The following LILRB1 variants were observed in gnomAD, a reference collection of about 807,000 sequenced individuals.
LILRB1 encodes the protein leukocyte immunoglobulin-like receptor subfamily B member 1.
In LILRB1, 59 loss-of-function variants were observed where a neutral mutation model predicts 74.6. The ratio of observed to expected loss-of-function variants is 0.79; its 90% CI spans 0.64 to 0.98. The LOEUF is 0.98. Ranked by LOEUF, LILRB1 falls within the 50% of genes least tolerant of loss-of-function variation. The pLI, the probability that LILRB1 is intolerant of heterozygous loss-of-function variation, is 0.00. For synonymous variants in LILRB1, 328 were observed against 333.9 expected (o/e 0.98, Z 0.19); for missense variants, 804 against 822.6 (o/e 0.98, Z 0.28).
Position 54,636,977 on chromosome 19 carries a change from C to T in LILRB1, c.*99C>T. ...TTGGACCCCACCCAGCCTGGATCTA[C>T]CCCAGGAGACTCTGGGAACTTTTAG... On this transcript the variant is annotated 3_prime_UTR_variant, in exon 15 of 15. Transcript: ENST00000324602. The T allele has an allele frequency of 1.4e-6, 2 of 1,479,612 alleles. No individual in the cohort carries two copies. The highest frequency in any genetic ancestry group is 1.3e-5 in the South Asian group (1 of 79,774). 91.7% of individuals were successfully genotyped at this position (1,479,612 alleles called of 1,614,324 possible). A position where few individuals can be genotyped will look rare whatever the true frequency, so the allele number is the denominator to read the frequency against.
intron 12 of LILRB1, 22 bp downstream of exon 12, chr19:54,635,318 C>G (rs774938785): frequency 6.2e-7 from 1 of 1,612,744 alleles, no homozygotes; most frequent in South Asian, 1.1e-5. Flanking sequence ...GAAGAGGTGA[C>G]CAGCCAGGAG....
rs780318750 is a variant in LILRB1 at position 54,632,502 on chromosome 19, C to T, written c.700C>T (p.Pro234Ser). 8 of 1,613,660 alleles carry T rather than the reference C, an allele frequency of 5.0e-6. No individual in the cohort carries two copies. The South Asian group carries it at 8.8e-5, about 18-fold the overall frequency. Reference sequence around the variant, plus strand: ...GCCATCACTCTCAGTGCAGCCAGGTCCTATCGTGGCCCCTGAGGAGACCCT... The same window carrying T: ...GCCATCACTCTCAGTGCAGCCAGGTTCTATCGTGGCCCCTGAGGAGACCCT... ...KKPSLSVQPG[P>S]IVAPEETLTL... The change falls in exon 6 of 15, where the codon CCT becomes TCT. Residue 234 changes from proline (P) to serine (S), a missense_variant. Coordinates refer to ENST00000324602, the MANE Select transcript of LILRB1 (RefSeq NM_001081637.3).
intron 12 of LILRB1, 63 bp from the exon 13 acceptor site, chr19:54,635,493 TG>T (rs1159733460): frequency 1.3e-6 from 2 of 1,571,986 alleles, no homozygotes; most frequent in African/African-American, 2.7e-5. Flanking sequence ...GAGCAGGGGC[TG>T]GCAGGACTCA....
upstream of LILRB1, among the ~76,000 whole-genome samples, chr19:54,628,655 T>A (rs2063663663): frequency 6.6e-6 from 1 of 152,102 alleles, no homozygotes; most frequent in African/African-American, 2.4e-5. Flanking sequence ...ATACCCTCCC[T>A]GGGCATCACC....
Position 54,631,578 on chromosome 19 carries a change from A to G in LILRB1, c.149A>G (p.Gln50Arg), listed in dbSNP as rs2063849780. 1.2e-6 allele frequency: 2 copies of G among 1,614,118 alleles called. No homozygotes were observed. Among genetic ancestry groups the G allele is most frequent in the Non-Finnish European group, 1.7e-6 (2 of 1,180,026 alleles). Reference protein sequence around the residue: ...TQGSPVTLRCQGGQETQEYRL... With the variant: ...TQGSPVTLRCRGGQETQEYRL... ...GGGAGTCCTGTGACCCTCAGGTGTC[A>G]GGGGGGCCAGGAGACCCAGGAGTAC... Residue 50 changes from glutamine (Q) to arginine (R), a missense_variant, in exon 4 of 15, where the codon CAG becomes CGG. Physicochemically the swap from Gln to Arg is conservative, Grantham distance 43. Transcript: ENST00000324602.
At position 54,634,739 on chromosome 19, in the gene LILRB1, C is replaced by T. The variant is rs367994550; in HGVS notation, c.1462C>T (p.Arg488Cys). Reference sequence around the variant, plus strand: ...CCTCTTCCTCATCCTCCGACATCGACGTCAGGGCAAACACTGGACATCGAG... The same window carrying T: ...CCTCTTCCTCATCCTCCGACATCGATGTCAGGGCAAACACTGGACATCGAG... ...LLLFLILRHR[R>C]QGKHWTSTQR... Residue 488 changes from arginine (R) to cysteine (C), a missense_variant, in exon 10 of 15, where the codon CGT becomes TGT. Arg to Cys is a radical substitution (Grantham distance 180, BLOSUM62 -3). Coordinates refer to ENST00000324602, the MANE Select transcript of LILRB1 (RefSeq NM_001081637.3). 125 of 1,613,874 alleles carry T rather than the reference C, an allele frequency of 7.7e-5. No homozygotes were observed. The highest frequency in any genetic ancestry group is 1.6e-4 in the Middle Eastern group (1 of 6,082).
At position 54,632,224 on chromosome 19, in the gene LILRB1, G is replaced by A. The variant is rs1236486035; in HGVS notation, c.648G>A (p.Glu216=). 1 of 1,612,994 alleles carries A rather than the reference G, an allele frequency of 6.2e-7. No homozygotes were observed. The highest frequency in any genetic ancestry group is 1.7e-5 in the Admixed American group (1 of 59,998). The change falls in exon 5 of 15, where the codon GAG becomes GAA. Residue 216 remains glutamate, a synonymous_variant. Coordinates refer to ENST00000324602, the MANE Select transcript of LILRB1 (RefSeq NM_001081637.3). ...YEWSLPSDLL[E]LLVLGVSKKP... is the part of the protein sequence containing the mutation. Reference sequence around the variant, plus strand: ...GGTCTCTACCCAGTGATCTCCTGGAGCTCCTGGTCCTAGGTGAGAAATTCA... The same window carrying A: ...GGTCTCTACCCAGTGATCTCCTGGAACTCCTGGTCCTAGGTGAGAAATTCA...
In LILRB1 at chr19:54,632,450, C is replaced by A. The variant is rs545659282; in HGVS notation, c.662-14C>A. ...GAGGGTCGGCTCCTGGAAACCATGA[C>A]CACCTTTTCCCAGGTGTTTCTAAGA... is the stretch of plus-strand genomic sequence containing the variant. On this transcript the variant is annotated splice_polypyrimidine_tract_variant and intron_variant, in intron 5 of 14. Transcript: ENST00000324602. 24 of 1,578,316 alleles carry A rather than the reference C, an allele frequency of 1.5e-5. No homozygotes were observed. In the East Asian group the frequency reaches 2.5e-4, roughly 16 times the overall value.
intron 9 of LILRB1, 103 bp from the exon 10 acceptor site, chr19:54,634,538 G>C (rs1236292098): frequency 2.1e-5 from 32 of 1,520,526 alleles, no homozygotes; most frequent in Non-Finnish European, 2.8e-5. Context: ...CACGACTGTT[G>C]TGGGGGTTGG....
intron 1 of LILRB1, among the ~76,000 whole-genome samples, chr19:54,622,760 G>T (rs77465355): frequency 6.6e-6 from 1 of 152,134 alleles, no homozygotes; most frequent in Non-Finnish European, 1.5e-5. Context: ...ATTTCTTGGG[G>T]AAATGCTTTC....
chr19:54,624,309 C>T lies in LILRB1; in HGVS notation c.-165-6208C>T, dbSNP rs1011659966. Among the ~76,000 whole-genome samples the T allele has an allele frequency of 2.1e-4, 32 of 152,216 alleles. 1 individual carries two copies. The South Asian group carries it at 2.3e-3, about 11-fold the overall frequency. ...CATAGGGAGGAACGTTGTCTGTCTC[C>T]CTATCACACCCGTGCTCCAGGGCTC... is the stretch of plus-strand genomic sequence containing the variant. On this transcript the variant is annotated intron_variant, in intron 1 of 15. Coordinates refer to the LILRB1 transcript ENST00000396331.
At chr19:54,619,529 T>A (rs1182414462) in intron 1 of LILRB1, among the ~76,000 whole-genome samples, 1 of 152,294 alleles carries the variant, frequency 6.6e-6, no homozygotes, top group African/African-American at 2.4e-5. Context: ...ATAATCTGTC[T>A]TTTTGAAATT....
chr19:54,625,334 C>T (rs1327739973), intron 1 of LILRB1, among the ~76,000 whole-genome samples: 2 of 151,122 alleles, frequency 1.3e-5, no homozygotes, highest in African/African-American at 2.4e-5. Context: ...AGCTGTCATA[C>T]TTATTCTGGG....
upstream of LILRB1, among the ~76,000 whole-genome samples, chr19:54,627,290 T>C (rs1438850103): frequency 2.6e-5 from 4 of 152,148 alleles, no homozygotes; most frequent in Admixed American, 6.5e-5. Context: ...AGCCCTCCCC[T>C]CAACGAAATT....
At chr19:54,617,425 G>C (rs950258400) in intron 1 of LILRB1, 3 of 152,088 alleles carry the variant, frequency 2.0e-5, no homozygotes, top group African/African-American at 7.3e-5. Context: ...TTTTCTGCCT[G>C]CTTTACATCT....
intron 1 of LILRB1, among the ~76,000 whole-genome samples, chr19:54,622,447 G>T (rs1600316420): frequency 6.6e-6 from 1 of 152,120 alleles, no homozygotes; most frequent in South Asian, 2.1e-4. Flanking sequence ...TTGTGTTTGT[G>T]TGTCCTTAAT....
At chr19:54,634,973 T>C (rs990030389) in intron 10 of LILRB1, 131 bp from the exon 11 acceptor site, 4 of 1,455,644 alleles carry the variant, frequency 2.7e-6, no homozygotes, top group Non-Finnish European at 3.7e-6. Context: ...TCGGGCTCTG[T>C]CCATCCTATG....
chr19:54,632,369 A>C (rs2063952680), intron 5 of LILRB1, 95 bp from the exon 6 acceptor site: 1 of 1,546,212 alleles, frequency 6.5e-7, no homozygotes, highest in Non-Finnish European at 8.7e-7. Context: ...CCAGAGACAC[A>C]GGAAGATCAG....
At chr19:54,634,791 G>T in intron 10 of LILRB1, 28 bp downstream of exon 10, 1 of 1,611,348 alleles carries the variant, frequency 6.2e-7, no homozygotes, top group South Asian at 1.1e-5. Context: ...GGACCCTGAG[G>T]GCTGACCGAG....
Sources: allele counts gnomAD v4.1 joint callset (sites outside exome capture counted in the v4.1 genomes callset), GRCh38; gene constraint gnomAD v4.1.1; transcripts MANE v1.5; gene names NCBI Gene and HGNC (gene_info 2026-07-23, HGNC 2026-07-21).